The following HSD17B12 variants were observed in gnomAD, a reference collection of about 807,000 sequenced individuals.
HSD17B12 encodes very-long-chain 3-oxoacyl-CoA reductase.
A neutral mutation model predicts 39.3 loss-of-function variants in HSD17B12; 32 were observed. That is an observed-to-expected ratio of 0.81 (90% CI 0.61 to 1.09). The LOEUF is 1.09. Ranked by LOEUF, HSD17B12 falls within the 50% of genes least tolerant of loss-of-function variation. The pLI is 0.00. For missense variants in HSD17B12, 342 were observed against 382.9 expected (o/e 0.89, Z 0.89); for synonymous variants, 150 against 146.7 (o/e 1.02, Z -0.16).
the HSD17B12 span, among the ~76,000 whole-genome samples, chr11:43,587,799 C>A: frequency 1.5e-3 from 224 of 152,286 alleles, 1 homozygote; most frequent in Middle Eastern, 3.4e-3. Context: ...TATAAGATCA[C>A]AATGCCAGGG....
the HSD17B12 span, among the ~76,000 whole-genome samples, chr11:43,590,506 ATT>A: frequency 9.7e-5 from 5 of 51,608 alleles, no homozygotes; most frequent in South Asian, 1.4e-3. Context: ...GGAGTGAGTG[ATT>A]TTTTTTTTTT....
chr11:43,561,136 G>C, the HSD17B12 span, among the ~76,000 whole-genome samples: 3 of 152,170 alleles, frequency 2.0e-5, no homozygotes, highest in African/African-American at 7.2e-5. Context: ...CCACTTTCAA[G>C]CTTGGTCCCA....
At chr11:43,754,004 T>G in intron 2 of HSD17B12, 42 bp from the exon 3 acceptor site, 2 of 1,314,964 alleles carry the variant, frequency 1.5e-6, no homozygotes, top group Non-Finnish European at 2.2e-6. Flanking sequence ...TGTTTTTCAG[T>G]GACATGCACA....
At chr11:43,812,412 T>A (rs1366209612) in intron 4 of HSD17B12, among the ~76,000 whole-genome samples, 2 of 152,258 alleles carry the variant, frequency 1.3e-5, no homozygotes, top group African/African-American at 4.8e-5. Context: ...TAACAGCTAC[T>A]CTAACTGGGG....
chr11:43,838,435 A>C, intron 8 of HSD17B12, 37 bp downstream of exon 8: 1 of 1,409,822 alleles, frequency 7.1e-7, no homozygotes, highest in South Asian at 1.2e-5. Flanking sequence ...CAATATAGTA[A>C]TAAGGGGTAA....
chr11:43,644,154 A>C, the HSD17B12 span: 1 of 152,232 alleles, frequency 6.6e-6, no homozygotes, highest in Non-Finnish European at 1.5e-5. Context: ...GCCCGGCGCC[A>C]CTACAGGGTT....
the HSD17B12 span, among the ~76,000 whole-genome samples, chr11:43,656,508 G>T: frequency 5.3e-5 from 8 of 152,042 alleles, no homozygotes; most frequent in African/African-American, 1.9e-4. Context: ...GTCAATTTTA[G>T]ATCTTTCCTG....
intron 3 of HSD17B12, among the ~76,000 whole-genome samples, chr11:43,772,354 G>A (rs1031010007): frequency 2.0e-5 from 3 of 152,144 alleles, no homozygotes; most frequent in Non-Finnish European, 2.9e-5. Flanking sequence ...AAGTTGGTGT[G>A]TACTAACTAT....
the HSD17B12 span, among the ~76,000 whole-genome samples, chr11:43,572,760 G>A: frequency 6.6e-6 from 1 of 152,148 alleles, no homozygotes; most frequent in Non-Finnish European, 1.5e-5. Flanking sequence ...GCATATAGTT[G>A]AAGCTGAAAA....
chr11:43,818,582 T>G (rs1178971209), intron 6 of HSD17B12, among the ~76,000 whole-genome samples: 1 of 152,190 alleles, frequency 6.6e-6, no homozygotes, highest in Non-Finnish European at 1.5e-5. Context: ...TTTCAGTAAC[T>G]CATATATACT....
chr11:43,716,019 T>A (rs1950119517), intron 1 of HSD17B12, among the ~76,000 whole-genome samples: 1 of 152,200 alleles, frequency 6.6e-6, no homozygotes, highest in African/African-American at 2.4e-5. Context: ...CACCTTGTTT[T>A]CAAATAGCCA....
chr11:43,788,086 A>G (rs1328325117), intron 3 of HSD17B12, among the ~76,000 whole-genome samples: 1 of 152,212 alleles, frequency 6.6e-6, no homozygotes, highest in Non-Finnish European at 1.5e-5. Flanking sequence ...AGCTATCTTT[A>G]TGTGTGAAAG....
the HSD17B12 span, among the ~76,000 whole-genome samples, chr11:43,594,471 A>C: frequency 6.6e-6 from 1 of 151,916 alleles, no homozygotes; most frequent in Admixed American, 6.6e-5. Flanking sequence ...AAATTTTAAA[A>C]TATTCTATTA....
intron 4 of HSD17B12, among the ~76,000 whole-genome samples, chr11:43,812,297 C>G (rs1320906298): frequency 6.6e-6 from 1 of 152,160 alleles, no homozygotes; most frequent in Non-Finnish European, 1.5e-5. Context: ...AACCTCCATA[C>G]TGTTTTCCAC....
chr11:43,771,385 A>C lies in HSD17B12; in HGVS notation c.283+17264A>C, dbSNP rs1234572513. On this transcript the variant is annotated intron_variant, in intron 3 of 10. Transcript: ENST00000278353. ...ATAACGTGACTATGAACAATACTGT[A>C]CATGTCTTTTGGAGCACATATATAC... Among the ~76,000 whole-genome samples the C allele has an allele frequency of 2.0e-5, 3 of 151,808 alleles. No individual in the cohort carries two copies. In the East Asian group the frequency reaches 5.8e-4, roughly 29 times the overall value.
chr11:43,817,143 T>G lies in HSD17B12; in HGVS notation c.501+752T>G, dbSNP rs577282687. Among the ~76,000 whole-genome samples the G allele has an allele frequency of 2.0e-5, 3 of 152,084 alleles. No individual in the cohort carries two copies. The East Asian group carries it at 5.8e-4, about 29-fold the overall frequency. On this transcript the variant is annotated intron_variant, in intron 6 of 10. Coordinates refer to ENST00000278353, the MANE Select transcript of HSD17B12 (RefSeq NM_016142.3). ...GTTTGTTGGCCATTTGCATATTGTCTTTTGAGAATTGTCTATTCATGTCCT... is the reference window on the plus strand; with the variant it reads ...GTTTGTTGGCCATTTGCATATTGTCGTTTGAGAATTGTCTATTCATGTCCT...
chr11:43,602,980 C>T, the HSD17B12 span, among the ~76,000 whole-genome samples: 3 of 152,086 alleles, frequency 2.0e-5, no homozygotes, highest in African/African-American at 7.2e-5. Flanking sequence ...TTCTCATCAT[C>T]AAAGCCTCCA....
the HSD17B12 span, among the ~76,000 whole-genome samples, chr11:43,599,532 T>C: frequency 2.6e-5 from 4 of 152,160 alleles, no homozygotes; most frequent in African/African-American, 7.2e-5. Context: ...GAAATAAGCC[T>C]AGTACCCATT....
At chr11:43,826,293 C>A (rs1322553847) in intron 6 of HSD17B12, among the ~76,000 whole-genome samples, 1 of 151,932 alleles carries the variant, frequency 6.6e-6, no homozygotes. Flanking sequence ...CCGTGTTAGC[C>A]AGGATGGTCT....
Sources: allele counts gnomAD v4.1 joint callset (sites outside exome capture counted in the v4.1 genomes callset), GRCh38; gene constraint gnomAD v4.1.1; transcripts MANE v1.5; gene names NCBI Gene and HGNC (gene_info 2026-07-23, HGNC 2026-07-21).